The following PIGZ variants were observed in gnomAD, a reference collection of about 807,000 sequenced individuals.
PIGZ encodes the protein phosphatidylinositol glycan anchor biosynthesis class Z (Gwada blood group).
PIGZ carries 16 observed loss-of-function variants against 16.4 expected under a neutral mutation model. That is an observed-to-expected ratio of 0.97 (90% confidence interval 0.66 to 1.48). PIGZ has a LOEUF of 1.48. PIGZ is among the 40% of genes most tolerant of loss of function. PIGZ has a pLI of 0.00. For synonymous variants in PIGZ, 409 were observed against 338.4 expected, an observed-to-expected ratio of 1.21 and a Z score of -2.29; for missense variants, 770 against 739.2, an observed-to-expected ratio of 1.04 and a Z score of -0.48.
chr3:196,954,275 A>G lies in PIGZ; in HGVS notation c.1-2244T>C, dbSNP rs918212000. 2.0e-5 allele frequency among the ~76,000 whole-genome samples: 3 copies of G among 151,406 alleles called. No individual in the cohort carries two copies. In the Admixed American group the frequency reaches 2.0e-4, roughly 10 times the overall value. ...ACCCTAGCCTGGAGGACAGAGCAAG[A>G]CTCTGTCTCAATCAATCAATAAAAA... On this transcript the variant is annotated intron_variant, in intron 1 of 2. Coordinates refer to ENST00000412723, the MANE Select transcript of PIGZ (RefSeq NM_025163.4).
In PIGZ at chr3:196,965,863, C is replaced by T. The variant is rs947121779; in HGVS notation, c.-1+2824G>A. 6.6e-6 allele frequency among the ~76,000 whole-genome samples: 1 copy of T among 152,096 alleles called. No homozygotes were observed. Among genetic ancestry groups the T allele is most frequent in the South Asian group, 2.1e-4 (1 of 4,814 alleles). ...ACCTGGAGTAGACTGCACCGCCATC[C>T]GCCTCTCCACTTTCCCTCTCTCACT... On this transcript the variant is annotated intron_variant, in intron 1 of 2. Coordinates refer to ENST00000412723, the MANE Select transcript of PIGZ (RefSeq NM_025163.4). The surrounding 1 kb of genome is among the most constrained non-coding windows in gnomAD (Gnocchi z 4.2).
intron 1 of PIGZ, among the ~76,000 whole-genome samples, chr3:196,953,793 G>A (rs1444606266): frequency 6.6e-6 from 1 of 150,456 alleles, no homozygotes; most frequent in East Asian, 1.9e-4. Flanking sequence ...TTGAAACCAG[G>A]AGGTCAGACC....
In PIGZ at chr3:196,947,498, T is replaced by C; in HGVS notation, c.1399A>G (p.Met467Val). The change falls in exon 3 of 3, where the codon ATG becomes GTG. Residue 467 changes from methionine to valine, a missense_variant. Coordinates refer to ENST00000412723, the MANE Select transcript of PIGZ (RefSeq NM_025163.4). ...AGGTGTAGGAGGTGCCGGGGGGGCA[T>C]GTAGGTGTGAGTGAAGAGGAGTGTG... Reference protein sequence around the residue: ...HYTLLFTHTYMPPRHLLHLPG... With the variant: ...HYTLLFTHTYVPPRHLLHLPG... The C allele has an allele frequency of 6.2e-7, 1 of 1,613,418 alleles. No homozygotes were observed. The highest frequency in any genetic ancestry group is 8.5e-7 in the Non-Finnish European group (1 of 1,179,924).
chr3:196,950,187 G>A (rs992580955), intron 2 of PIGZ, among the ~76,000 whole-genome samples: 4 of 152,208 alleles, frequency 2.6e-5, no homozygotes, highest in African/African-American at 9.6e-5. Flanking sequence ...GTTTCGCCAT[G>A]TTGGCCAGGA....
chr3:196,947,998 T>C lies in PIGZ; in HGVS notation c.899A>G (p.Asn300Ser). ...TCTCGCCAGGTTTTGGGGATTCAGGTTGTAGTGCAAGAAGTTGACAGGTGT... is the reference window on the plus strand; with the variant it reads ...TCTCGCCAGGTTTTGGGGATTCAGGCTGTAGTGCAAGAAGTTGACAGGTGT... ...VLTPVNFLHY[N>S]LNPQNLARHG... The change falls in exon 3 of 3, where the codon AAC becomes AGC. Residue 300 changes from asparagine (N) to serine (S), a missense_variant. Physicochemically the swap from Asn to Ser is conservative, Grantham distance 46 (BLOSUM62 1). Coordinates refer to ENST00000412723, the MANE Select transcript of PIGZ (RefSeq NM_025163.4). 2 of 1,602,296 alleles carry C rather than the reference T, an allele frequency of 1.2e-6. No individual in the cohort carries two copies. The highest frequency in any genetic ancestry group is 1.7e-6 in the Non-Finnish European group (2 of 1,172,230).
intron 1 of PIGZ, among the ~76,000 whole-genome samples, chr3:196,958,200 C>A (rs1376610241): frequency 6.0e-5 from 9 of 150,000 alleles, no homozygotes; most frequent in Non-Finnish European, 7.4e-5. Flanking sequence ...GGACAACTTT[C>A]CACTTGTGTC....
chr3:196,959,022 G>A (rs1717608341), intron 1 of PIGZ, among the ~76,000 whole-genome samples: 2 of 152,208 alleles, frequency 1.3e-5, no homozygotes, highest in African/African-American at 2.4e-5. Flanking sequence ...TGGGAACGGA[G>A]GATGCTATAC....
At chr3:196,955,297 C>T (rs957958692) in intron 1 of PIGZ, among the ~76,000 whole-genome samples, 1 of 152,162 alleles carries the variant, frequency 6.6e-6, no homozygotes, top group African/African-American at 2.4e-5. Context: ...GTGTGTTGAA[C>T]TAGCTCATGA....
At chr3:196,951,524 C>T (rs1717281832) in intron 2 of PIGZ, 1 of 440,128 alleles carries the variant, frequency 2.3e-6, no homozygotes, top group Non-Finnish European at 4.2e-6. Context: ...AAAGTGTTCC[C>T]ATGGGAAGTC....
chr3:196,959,146 G>T (rs1215228133), intron 1 of PIGZ, among the ~76,000 whole-genome samples: 1 of 152,198 alleles, frequency 6.6e-6, no homozygotes, highest in Non-Finnish European at 1.5e-5. Context: ...AGTCTCATGG[G>T]CATGTGGCCT....
intron 1 of PIGZ, among the ~76,000 whole-genome samples, chr3:196,962,519 A>C (rs756085246): frequency 5.9e-5 from 9 of 152,202 alleles, no homozygotes; most frequent in Non-Finnish European, 1.0e-4. Context: ...TTTGCAGTTA[A>C]GAGGAAAGCA....
intron 2 of PIGZ, among the ~76,000 whole-genome samples, chr3:196,949,748 C>A (rs1308138177): frequency 6.6e-6 from 1 of 152,066 alleles, no homozygotes; most frequent in Non-Finnish European, 1.5e-5. Context: ...GATGAGGTGG[C>A]AGTGTGTCCT....
chr3:196,949,778 C>G (rs918620130), intron 2 of PIGZ, among the ~76,000 whole-genome samples: 1 of 151,816 alleles, frequency 6.6e-6, no homozygotes, highest in African/African-American at 2.4e-5. Flanking sequence ...GTGTGGGAGG[C>G]GGGCAGGTGG....
At chr3:196,949,517 G>A (rs975977516) in intron 2 of PIGZ, among the ~76,000 whole-genome samples, 1 of 152,212 alleles carries the variant, frequency 6.6e-6, no homozygotes, top group Non-Finnish European at 1.5e-5. Flanking sequence ...ACTAGATTCT[G>A]CTAGAATTAG....
At chr3:196,959,234 C>T (rs1190281157) in intron 1 of PIGZ, among the ~76,000 whole-genome samples, 1 of 152,246 alleles carries the variant, frequency 6.6e-6, no homozygotes, top group Non-Finnish European at 1.5e-5. Context: ...CACACCCCTG[C>T]CCAAGCCTGT....
intron 1 of PIGZ, among the ~76,000 whole-genome samples, chr3:196,953,790 C>T (rs1717378398): frequency 1.3e-5 from 2 of 150,434 alleles, no homozygotes; most frequent in African/African-American, 5.0e-5. Flanking sequence ...CGCTTGAAAC[C>T]AGGAGGTCAG....
chr3:196,966,113 C>G (rs1433833314), intron 1 of PIGZ, among the ~76,000 whole-genome samples: 1 of 152,190 alleles, frequency 6.6e-6, no homozygotes, highest in African/African-American at 2.4e-5. Flanking sequence ...CAGCCCTCTC[C>G]TCTATTCCGT....
chr3:196,958,249 C>T (rs559713682), intron 1 of PIGZ, among the ~76,000 whole-genome samples: 1 of 151,824 alleles, frequency 6.6e-6, no homozygotes, highest in South Asian at 2.1e-4. Context: ...TATTCATAAA[C>T]ATAATACAAA....
At position 196,947,635 on chromosome 3, in the gene PIGZ, G is replaced by A; in HGVS notation, c.1262C>T (p.Ala421Val). The A allele has an allele frequency of 8.7e-6, 14 of 1,612,596 alleles. No individual in the cohort carries two copies. The highest frequency in any genetic ancestry group is 1.2e-5 in the Non-Finnish European group (14 of 1,179,132). ...GCAGCCGAAGAGGAGGGCACCGAGG[G>A]CGTTGAAGAGGACCACAGTGCCCTT... Reference protein sequence around the residue: ...PWKGTVVLFNALGALLFGCLH... With the variant: ...PWKGTVVLFNVLGALLFGCLH... Residue 421 changes from alanine (A) to valine (V), a missense_variant, in exon 3 of 3, where the codon GCC becomes GTC. By Grantham distance (64) the Ala-to-Val change is moderately conservative. Transcript: ENST00000412723.
Sources: allele counts gnomAD v4.1 joint callset (sites outside exome capture counted in the v4.1 genomes callset), GRCh38; gene constraint gnomAD v4.1.1; non-coding constraint Gnocchi (gnomAD v3.1); transcripts MANE v1.5; gene names NCBI Gene and HGNC (gene_info 2026-07-23, HGNC 2026-07-21).